RNF17: variants seen among roughly 807,000 people sequenced by gnomAD.
The protein encoded by RNF17 is ring finger protein 17, also known as spermatogenesis associated 23.
Under a neutral mutation model 200.5 loss-of-function variants are expected in RNF17, and 31 were observed. The observed-to-expected ratio is 0.15, with a 90% CI of 0.12 to 0.21. The LOEUF is 0.21. Ranked by LOEUF, RNF17 falls within the 10% of genes least tolerant of loss-of-function variation. The pLI is 1.00. For missense variants in RNF17, 1,628 were observed against 1,905.1 expected (o/e 0.85, Z 2.71); for synonymous variants, 606 against 637.8 (o/e 0.95, Z 0.75).
At chr13:24,869,596 C>T (rs1894027601) in intron 31 of RNF17, among the ~76,000 whole-genome samples, 1 of 152,170 alleles carries the variant, frequency 6.6e-6, no homozygotes, top group South Asian at 2.1e-4. Flanking sequence ...TCACATGGCA[C>T]CACCTGGAAG....
At chr13:24,844,113 T>G in intron 20 of RNF17, 142 bp downstream of exon 20, 1 of 348,624 alleles carries the variant, frequency 2.9e-6, no homozygotes, top group Non-Finnish European at 5.0e-6. Flanking sequence ...GTTAGAAGTA[T>G]GAAAATAGGA....
chr13:24,792,742 G>T (rs1332379372), intron 9 of RNF17, among the ~76,000 whole-genome samples: 1 of 152,182 alleles, frequency 6.6e-6, no homozygotes, highest in African/African-American at 2.4e-5. Context: ...ACACTGATCT[G>T]TGAAGAAGCT....
chr13:24,765,773 T>G (rs1268293801), intron 1 of RNF17, among the ~76,000 whole-genome samples: 1 of 152,230 alleles, frequency 6.6e-6, no homozygotes, highest in East Asian at 1.9e-4. Context: ...ACAAGTTATT[T>G]TGAGTTATTC....
chr13:24,881,416 C>T (rs546026045), downstream of RNF17, among the ~76,000 whole-genome samples: 1 of 152,222 alleles, frequency 6.6e-6, no homozygotes, highest in South Asian at 2.1e-4. Flanking sequence ...GCTGGGATTA[C>T]AGGTGTGAGC....
chr13:24,763,983 C>A (rs1006099385), upstream of RNF17, among the ~76,000 whole-genome samples: 19 of 152,180 alleles, frequency 1.2e-4, no homozygotes, highest in African/African-American at 4.6e-4. Context: ...AACGTAAAAA[C>A]GAACGGTCCT....
intron 15 of RNF17, among the ~76,000 whole-genome samples, chr13:24,820,319 A>G (rs572283195): frequency 6.6e-6 from 1 of 151,744 alleles, no homozygotes; most frequent in East Asian, 1.9e-4. Context: ...ATGGGGTTTC[A>G]CCATGTTGGC....
chr13:24,825,769 A>T lies in RNF17; in HGVS notation c.2242A>T (p.Ile748Phe). The change falls in exon 16 of 36, where the codon ATC (isoleucine) becomes TTC (phenylalanine). Residue 748 changes from isoleucine (I) to phenylalanine (F), a missense_variant. Physicochemically the swap from Ile to Phe is conservative, Grantham distance 21. This residue lies in a region of RNF17 where 289 missense variants were observed against 384.9 expected (regional missense o/e 0.75). Coordinates refer to ENST00000255324, the MANE Select transcript of RNF17 (RefSeq NM_031277.3). ...EDGIWYRAKV[I>F]GLPGHQEVEV... Reference sequence around the variant, plus strand: ...TGGAATTTGGTACCGAGCAAAAGTTATCGGTAGGAGAATGCATGCTGTTTC... The same window carrying T: ...TGGAATTTGGTACCGAGCAAAAGTTTTCGGTAGGAGAATGCATGCTGTTTC... 6.2e-7 allele frequency: 1 copy of T among 1,612,064 alleles called. No individual in the cohort carries two copies. Among genetic ancestry groups the T allele is most frequent in the Non-Finnish European group, 8.5e-7 (1 of 1,178,986 alleles).
chr13:24,764,889 G>GGGTA (rs71074696), intron 1 of RNF17, among the ~76,000 whole-genome samples: 1 of 57,840 alleles, frequency 1.7e-5, no homozygotes, highest in Non-Finnish European at 4.2e-5. Context: ...ACCTTGTGGG[G>GGGTA]TGTGTGTGTG....
chr13:24,871,399 G>A (rs891144658), intron 32 of RNF17, among the ~76,000 whole-genome samples: 6 of 152,136 alleles, frequency 3.9e-5, no homozygotes, highest in African/African-American at 7.2e-5. Flanking sequence ...GTGCAGTGAC[G>A]TGATCTCGGC....
At chr13:24,851,187 T>A (rs1891854801) in intron 23 of RNF17, among the ~76,000 whole-genome samples, 1 of 152,112 alleles carries the variant, frequency 6.6e-6, no homozygotes. Flanking sequence ...AAAGACGGGG[T>A]TTCCCCATGT....
At chr13:24,880,707 T>C (rs1456021404), downstream of RNF17, among the ~76,000 whole-genome samples, 1 of 152,194 alleles carries the variant, frequency 6.6e-6, no homozygotes, top group Non-Finnish European at 1.5e-5. Flanking sequence ...AGCGGCTTTC[T>C]AGTACATATA....
chr13:24,858,956 AG>A, intron 25 of RNF17, 44 bp from the exon 26 acceptor site: 2 of 1,214,484 alleles, frequency 1.6e-6, no homozygotes, highest in Non-Finnish European at 1.2e-6. Context: ...GACAAATGAT[AG>A]GGAATTTTCC....
At chr13:24,883,408 AAT>A (rs746982336), downstream of RNF17, 5 of 1,452,868 alleles carry the variant, frequency 3.4e-6, no homozygotes, top group Admixed American at 1.9e-5. Flanking sequence ...TTAAAAAAAA[AAT>A]AATAGAAAAT....
downstream of RNF17, among the ~76,000 whole-genome samples, chr13:24,881,218 C>G (rs1953805898): frequency 6.6e-6 from 1 of 151,874 alleles, no homozygotes; most frequent in African/African-American, 2.4e-5. Context: ...ATGGTCTCAG[C>G]TCACTGCAAC....
At chr13:24,813,251 C>T (rs1190499381) in intron 15 of RNF17, among the ~76,000 whole-genome samples, 3 of 152,108 alleles carry the variant, frequency 2.0e-5, no homozygotes, top group Non-Finnish European at 4.4e-5. Flanking sequence ...CCTCAATCTC[C>T]TAGGCTCAAG....
chr13:24,851,579 CT>C lies in RNF17; in HGVS notation c.3320+14del, dbSNP rs770828131. ...GGCTTTGAGAGAAAGGAGGTATAGACTTTTTTAAAAAATTTTGACATCAGTT... is the reference window on the plus strand; with the variant it reads ...GGCTTTGAGAGAAAGGAGGTATAGACTTTTTAAAAAATTTTGACATCAGTT... On this transcript the variant is annotated intron_variant, in intron 24 of 35. Coordinates refer to ENST00000255324, the MANE Select transcript of RNF17 (RefSeq NM_031277.3). 26 of 1,579,868 alleles carry C rather than the reference CT, an allele frequency of 1.6e-5. No individual in the cohort carries two copies. The highest frequency in any genetic ancestry group is 1.8e-5 in the Non-Finnish European group (21 of 1,160,490).
At chr13:24,845,491 T>TAC in intron 22 of RNF17, among the ~76,000 whole-genome samples, 1 of 152,308 alleles carries the variant, frequency 6.6e-6, no homozygotes, top group East Asian at 1.9e-4. Context: ...AACTAAAGAC[T>TAC]ACACAGCCAA....
chr13:24,862,930 TA>T (rs987254994), intron 28 of RNF17, 137 bp downstream of exon 28: 3 of 474,810 alleles, frequency 6.3e-6, no homozygotes, highest in African/African-American at 5.9e-5. Context: ...TAAAAGAAAC[TA>T]CCAGTTTGGT....
chr13:24,866,402 C>T (rs1027893061), intron 30 of RNF17, among the ~76,000 whole-genome samples, 199 bp downstream of exon 30: 3 of 152,186 alleles, frequency 2.0e-5, no homozygotes, highest in East Asian at 1.9e-4. Flanking sequence ...AACATTTCAT[C>T]ACCCCCAAAA....
Sources: gnomAD v4.1 joint callset for allele counts (sites outside exome capture counted in the v4.1 genomes callset) on GRCh38, gnomAD v4.1.1 for gene constraint, gnomAD v4.1.1 regional missense constraint, MANE v1.5 for transcripts, NCBI Gene and HGNC (gene_info 2026-07-23, HGNC 2026-07-21) for gene names.